The following CCDC6 variants were observed in gnomAD, a reference collection of about 807,000 sequenced individuals.
CCDC6 encodes coiled-coil domain containing 6, also known as coiled-coil domain-containing protein 6.
In CCDC6, 20 loss-of-function variants were observed where a neutral mutation model predicts 56.6. That is an observed-to-expected ratio of 0.35 (90% confidence interval 0.25 to 0.51). The LOEUF (loss-of-function observed/expected upper bound fraction) is 0.51. Ranked by LOEUF, CCDC6 falls within the 20% of genes least tolerant of loss-of-function variation. CCDC6 has a pLI of 0.95. For synonymous variants in CCDC6, 241 were observed against 234.4 expected (o/e 1.03, Z -0.26); for missense variants, 367 against 601.1 (o/e 0.61, Z 4.07).
At chr10:59,832,809 C>T (rs370472935) in intron 2 of CCDC6, among the ~76,000 whole-genome samples, 156 bp from the exon 3 acceptor site, 1 of 152,314 alleles carries the variant, frequency 6.6e-6, no homozygotes, top group East Asian at 1.9e-4. Flanking sequence ...TAATCTGTGC[C>T]TAACTGGTTC....
At chr10:59,798,220 C>A (rs577102459) in intron 7 of CCDC6, among the ~76,000 whole-genome samples, 2 of 152,342 alleles carry the variant, frequency 1.3e-5, no homozygotes, top group South Asian at 4.1e-4. Context: ...GACAATTACT[C>A]TGAACATACT....
In CCDC6 at chr10:59,843,182, G is replaced by A. The variant is rs113159220; in HGVS notation, c.453+9371C>T. On this transcript the variant is annotated intron_variant, in intron 2 of 8. Transcript: ENST00000263102. ...ATTACAGGCGTGAGCCAACGCGCCCGGCCAGAAGACAAATTACTTTATCCT... is the reference window on the plus strand; with the variant it reads ...ATTACAGGCGTGAGCCAACGCGCCCAGCCAGAAGACAAATTACTTTATCCT... 8.6e-3 allele frequency among the ~76,000 whole-genome samples: 1,306 copies of A among 152,282 alleles called. 26 individuals are homozygous for A. Among genetic ancestry groups the A allele is most frequent in the African/African-American group, 0.03 (1,247 of 41,550 alleles).
At chr10:59,817,268 C>CTACAGTGAT (rs1179532572) in intron 3 of CCDC6, among the ~76,000 whole-genome samples, 4 of 152,308 alleles carry the variant, frequency 2.6e-5, no homozygotes, top group Middle Eastern at 3.4e-3. Context: ...GTAGCCTTAA[C>CTACAGTGAT]CCACTGGGCT....
At chr10:59,883,960 C>T (rs2071364803) in intron 1 of CCDC6, among the ~76,000 whole-genome samples, 1 of 152,194 alleles carries the variant, frequency 6.6e-6, no homozygotes, top group Non-Finnish European at 1.5e-5. Context: ...AAGACCACCA[C>T]CTTCTTATGT....
chr10:59,893,633 TACATAC>T (rs2071440859), intron 1 of CCDC6, among the ~76,000 whole-genome samples: 1 of 108,226 alleles, frequency 9.2e-6, no homozygotes, highest in Non-Finnish European at 2.1e-5. Context: ...CATACATACA[TACATAC>T]ATACATACAT....
intron 1 of CCDC6, among the ~76,000 whole-genome samples, chr10:59,868,217 CT>C (rs1482835440): frequency 6.6e-6 from 1 of 152,170 alleles, no homozygotes; most frequent in African/African-American, 2.4e-5. Context: ...GGAACATGCA[CT>C]GTACAGAGGA....
At chr10:59,801,589 A>G (rs12217325) in intron 7 of CCDC6, among the ~76,000 whole-genome samples, 2,566 of 152,180 alleles carry the variant, frequency 0.017, 56 homozygotes, top group East Asian at 0.091. Context: ...CGCATATCCC[A>G]CATTTAAGGA....
At chr10:59,806,736 T>A (rs913615142) in intron 6 of CCDC6, 186 bp downstream of exon 6, 6 of 463,120 alleles carry the variant, frequency 1.3e-5, no homozygotes, top group Admixed American at 3.7e-5. Flanking sequence ...TCTTTTTGTG[T>A]TTAAGGAAAA....
intron 2 of CCDC6, among the ~76,000 whole-genome samples, chr10:59,838,017 TAG>T (rs527666693): frequency 4.2e-4 from 64 of 152,268 alleles, no homozygotes; most frequent in African/African-American, 1.5e-3. Flanking sequence ...TCTCAGAACA[TAG>T]AAAGTCTCTC....
rs554362392 is a variant in CCDC6, at chr10:59,819,379, T to C, written c.583-4624A>G. ...TTTTAAAAATCTCAACTTTTCAGCA[T>C]TGTTGAGGAGCTCTGGCTGACATTA... On this transcript the variant is annotated intron_variant, in intron 3 of 8. Coordinates refer to ENST00000263102, the MANE Select transcript of CCDC6 (RefSeq NM_005436.5). Among the ~76,000 whole-genome samples the C allele has an allele frequency of 3.9e-5, 6 of 152,252 alleles. No individual in the cohort carries two copies. The East Asian group carries it at 1.2e-3, about 29-fold the overall frequency.
At chr10:59,810,421 T>C (rs2070663126) in intron 5 of CCDC6, among the ~76,000 whole-genome samples, 1 of 152,152 alleles carries the variant, frequency 6.6e-6, no homozygotes, top group South Asian at 2.1e-4. Context: ...ATGGAGATAG[T>C]AGTAAGCATA....
intron 2 of CCDC6, among the ~76,000 whole-genome samples, chr10:59,839,097 C>T (rs542499416): frequency 5.9e-5 from 9 of 152,308 alleles, no homozygotes; most frequent in East Asian, 1.9e-4. Flanking sequence ...GTTGAATCTT[C>T]ATAACTCTAC....
intron 1 of CCDC6, among the ~76,000 whole-genome samples, chr10:59,885,146 A>G (rs2071372993): frequency 6.6e-6 from 1 of 152,130 alleles, no homozygotes; most frequent in South Asian, 2.1e-4. Flanking sequence ...AGGACAGAGA[A>G]TACGTGTGAA....
At chr10:59,839,333 T>C (rs568200072) in intron 2 of CCDC6, among the ~76,000 whole-genome samples, 34 of 152,328 alleles carry the variant, frequency 2.2e-4, no homozygotes, top group Admixed American at 7.8e-4. Context: ...GGGCAGTGAC[T>C]AGGATTTCCT....
At chr10:59,803,640 TG>T (rs1378153513) in intron 7 of CCDC6, among the ~76,000 whole-genome samples, 1 of 152,198 alleles carries the variant, frequency 6.6e-6, no homozygotes, top group East Asian at 1.9e-4. Context: ...TCTCTCTCAC[TG>T]GATCAGCTAC....
intron 3 of CCDC6, among the ~76,000 whole-genome samples, chr10:59,818,314 A>G (rs1442331835): frequency 1.3e-5 from 2 of 152,032 alleles, no homozygotes; most frequent in African/African-American, 4.8e-5. Context: ...CCAGCTATCA[A>G]TCTACTGCCC....
intron 1 of CCDC6, among the ~76,000 whole-genome samples, chr10:59,861,079 G>A (rs2071123860): frequency 6.6e-6 from 1 of 152,084 alleles, no homozygotes; most frequent in Non-Finnish European, 1.5e-5. Flanking sequence ...ACCTGTAATT[G>A]CAGGCACAAG....
chr10:59,805,315 G>T (rs900055761), intron 6 of CCDC6: 1 of 152,156 alleles, frequency 6.6e-6, no homozygotes, highest in African/African-American at 2.4e-5. Flanking sequence ...AGACTAAGAG[G>T]CATCTTGTGG....
intron 7 of CCDC6, among the ~76,000 whole-genome samples, 189 bp downstream of exon 7, chr10:59,804,231 C>T (rs571291528): frequency 2.5e-4 from 37 of 148,648 alleles, no homozygotes; most frequent in Admixed American, 2.4e-3. Flanking sequence ...CCAGCTGACA[C>T]TCTAGCATTT....
Sources: gnomAD v4.1 joint callset for allele counts (sites outside exome capture counted in the v4.1 genomes callset) on GRCh38, gnomAD v4.1.1 for gene constraint, MANE v1.5 for transcripts, NCBI Gene and HGNC (gene_info 2026-07-23, HGNC 2026-07-21) for gene names.